OTUD5: variants seen among roughly 807,000 people sequenced by gnomAD.
OTUD5 encodes OTU deubiquitinase 5, also known as OTU domain-containing protein 5.
Under a neutral mutation model 36.3 loss-of-function variants are expected in OTUD5, and 2 were observed. The observed-to-expected ratio is 0.06, with a 90% CI of 0.02 to 0.17. The LOEUF (loss-of-function observed/expected upper bound fraction) is 0.17, where lower values mean the gene tolerates loss of function less well. OTUD5 is among the 10% of genes least tolerant of loss of function. The probability of loss-of-function intolerance (pLI) is 1.00; values close to 1 mark genes in which losing one functional copy is unlikely to be tolerated. For missense variants in OTUD5, 233 were observed against 512.3 expected, an observed-to-expected ratio of 0.45 and a Z score of 5.26; for synonymous variants, 234 against 214.9, an observed-to-expected ratio of 1.09 and a Z score of -0.78.
At chrX:48,950,335 T>C (rs1280038331) in intron 1 of OTUD5, among the ~76,000 whole-genome samples, 1 of 109,362 alleles carries the variant, frequency 9.1e-6, no homozygotes, top group African/African-American at 3.3e-5. Context: ...GAGAAGGCGA[T>C]GGTGAAGATG....
chrX:48,929,361 C>A (rs1267073862), intron 5 of OTUD5, among the ~76,000 whole-genome samples: 1 of 109,001 alleles, frequency 9.2e-6, no homozygotes, highest in East Asian at 2.8e-4. Flanking sequence ...GTACTCCAGC[C>A]TGGGTGACAG....
In OTUD5 at chrX:48,944,231, T is replaced by C; in HGVS notation, c.647A>G (p.Lys216Arg). 8.3e-7 allele frequency: 1 copy of C among 1,206,564 alleles called. No homozygotes were observed. The highest frequency in any genetic ancestry group is 1.1e-6 in the Non-Finnish European group (1 of 892,058). The change falls in exon 2 of 9, where the codon AAG (lysine) becomes AGG (arginine). Residue 216 changes from lysine (K) to arginine (R), a missense_variant. By Grantham distance (26) the Lys-to-Arg change is conservative (BLOSUM62 2). This residue lies in a region of OTUD5 where 155 missense variants were observed against 217.2 expected (regional missense o/e 0.71). Transcript: ENST00000376488. ...ACAGGCGCCATCCTCCTTCATCTGC[T>C]TGATGATGAAGCCCTTCTTGTCTCG... is the stretch of plus-strand genomic sequence containing the variant. ...ALRDKKGFII[K>R]QMKEDGACLF...
chrX:48,957,003 C>T lies in OTUD5; in HGVS notation c.568G>A (p.Ala190Thr). The change falls in exon 1 of 9, where the codon GCT (alanine) becomes ACT (threonine). Residue 190 changes from alanine to threonine, a missense_variant. Coordinates refer to ENST00000376488, the MANE Select transcript of OTUD5 (RefSeq NM_001136157.2). ...EYEAAAARIE[A>T]MDPATVEQQE... Reference sequence around the variant, plus strand: ...TGCTCGACAGTGGCAGGGTCCATAGCCTCGATGCGTGCTGCAGCCGCCTCA... The same window carrying T: ...TGCTCGACAGTGGCAGGGTCCATAGTCTCGATGCGTGCTGCAGCCGCCTCA... 8.4e-7 allele frequency: 1 copy of T among 1,195,877 alleles called. No homozygotes were observed. Among genetic ancestry groups the T allele is most frequent in the Non-Finnish European group, 1.1e-6 (1 of 888,256 alleles).
intron 6 of OTUD5, among the ~76,000 whole-genome samples, chrX:48,924,369 C>T (rs1290204631): frequency 8.9e-6 from 1 of 111,858 alleles, no homozygotes; most frequent in Non-Finnish European, 1.9e-5. Flanking sequence ...TGGCCTACTG[C>T]AGTAGCCTCC....
chrX:48,931,694 G>A (rs965128694), intron 5 of OTUD5, among the ~76,000 whole-genome samples: 21 of 106,955 alleles, frequency 2.0e-4, no homozygotes, highest in African/African-American at 5.8e-4. Context: ...CAGAAAAATC[G>A]CTTGAACCCA....
intron 1 of OTUD5, among the ~76,000 whole-genome samples, chrX:48,954,520 G>A (rs959958320): frequency 9.0e-6 from 1 of 111,543 alleles, no homozygotes; most frequent in East Asian, 2.8e-4. Flanking sequence ...AGAGAGAGAA[G>A]AAATAACTGG....
intron 2 of OTUD5, among the ~76,000 whole-genome samples, chrX:48,938,465 G>A (rs1673832916): frequency 9.0e-6 from 1 of 111,305 alleles, no homozygotes; most frequent in Admixed American, 9.5e-5. Context: ...GGCCGACGCA[G>A]GTGGATCACC....
At chrX:48,952,773 T>C (rs1379213527) in intron 1 of OTUD5, among the ~76,000 whole-genome samples, 4 of 112,427 alleles carry the variant, frequency 3.6e-5, no homozygotes, top group Non-Finnish European at 7.5e-5. Context: ...CAAATCCACG[T>C]TGCCTGGGCA....
chrX:48,948,691 TTTGGGGAGAAAATG>T (rs2064077047), intron 1 of OTUD5, among the ~76,000 whole-genome samples: 1 of 110,048 alleles, frequency 9.1e-6, no homozygotes, highest in Admixed American at 9.7e-5. Flanking sequence ...TCTTTCTCCT[TTTGGGGAGAAAATG>T]TTGCTCAGGA....
chrX:48,925,916 A>T lies in OTUD5; in HGVS notation c.1194T>A (p.Ala398=). Residue 398 remains alanine (A), a synonymous_variant, in exon 6 of 9, where the codon GCT becomes GCA. Transcript: ENST00000376488. ...ATNEAIEEQV[A]RESYLQWLRD... is the part of the protein sequence containing the mutation. The stretch of plus-strand genomic sequence containing the variant: ...GCAACCACTGCAGGTAGGATTCCCG[A>T]GCCACCTGCTCCTCGATGGCTTCAT... The T allele has an allele frequency of 8.3e-7, 1 of 1,211,063 alleles. No homozygotes were observed. Among genetic ancestry groups the T allele is most frequent in the East Asian group, 3.0e-5 (1 of 33,822 alleles).
intron 5 of OTUD5, among the ~76,000 whole-genome samples, chrX:48,933,011 T>C (rs2063779989): frequency 9.1e-6 from 1 of 109,658 alleles, no homozygotes; most frequent in Admixed American, 9.8e-5. Flanking sequence ...AAAAAGAAAA[T>C]GAGCCATTAA....
chrX:48,952,284 T>C (rs782613603), intron 1 of OTUD5, among the ~76,000 whole-genome samples: 1 of 111,658 alleles, frequency 9.0e-6, no homozygotes, highest in Non-Finnish European at 1.9e-5. Flanking sequence ...AGTAGATTAG[T>C]GGTTGCCAGA....
At chrX:48,950,496 T>C (rs1171635055) in intron 1 of OTUD5, among the ~76,000 whole-genome samples, 1 of 109,505 alleles carries the variant, frequency 9.1e-6, no homozygotes, top group African/African-American at 3.3e-5. Flanking sequence ...GATTGTGGAC[T>C]TCTGGCCTCC....
At chrX:48,941,857 A>G (rs2063929894) in intron 2 of OTUD5, among the ~76,000 whole-genome samples, 1 of 111,715 alleles carries the variant, frequency 9.0e-6, no homozygotes, top group Admixed American at 9.5e-5. Context: ...CACATGTATT[A>G]TGCACTCTGC....
At chrX:48,927,404 C>A (rs1271408229) in intron 5 of OTUD5, among the ~76,000 whole-genome samples, 2 of 111,762 alleles carry the variant, frequency 1.8e-5, no homozygotes, top group Non-Finnish European at 3.8e-5. Flanking sequence ...TCCCCCCAAC[C>A]CCCTTCGAAC....
chrX:48,932,778 T>C (rs1415383892), intron 5 of OTUD5, among the ~76,000 whole-genome samples: 1 of 109,689 alleles, frequency 9.1e-6, no homozygotes, highest in Non-Finnish European at 1.9e-5. Flanking sequence ...ACCTTGTCTC[T>C]ACAAAAAAAA....
rs782110834 is a variant in OTUD5 at position 48,923,980 on chromosome X, G to A, written c.1336C>T (p.Arg446Trp). Reference protein sequence around the residue: ...ASSGLEEWTSRSPRQRSSASS... With the variant: ...ASSGLEEWTSWSPRQRSSASS... Reference sequence around the variant, plus strand: ...GCTGAACTCCGCTGCCGCGGGGACCGGCTAGTCCACTCCTCCAGGCCACTG... The same window carrying A: ...GCTGAACTCCGCTGCCGCGGGGACCAGCTAGTCCACTCCTCCAGGCCACTG... Residue 446 changes from arginine (R) to tryptophan (W), a missense_variant, in exon 7 of 9, where the codon CGG becomes TGG. Transcript: ENST00000376488. 5.8e-6 allele frequency: 7 copies of A among 1,209,238 alleles called. No homozygotes were observed. In the South Asian group the frequency reaches 7.1e-5, roughly 12 times the overall value.
chrX:48,952,742 G>A (rs180871490), intron 1 of OTUD5, among the ~76,000 whole-genome samples: 1 of 112,451 alleles, frequency 8.9e-6, no homozygotes, highest in East Asian at 2.8e-4. Flanking sequence ...CCACAGAAAA[G>A]CTTACTGCAG....
At position 48,922,927 on chromosome X, in the gene OTUD5, T is replaced by G; in HGVS notation, c.*247A>C. On this transcript the variant is annotated 3_prime_UTR_variant, in exon 9 of 9. Coordinates refer to ENST00000376488, the MANE Select transcript of OTUD5 (RefSeq NM_001136157.2). ...CCGAGTCCCCTGTGGAATGCAGGGA[T>G]GGTTCTGTGCGGGATGGGGTGGGGG... 1 of 1,010,370 alleles carries G rather than the reference T, an allele frequency of 9.9e-7. No individual in the cohort carries two copies. Among genetic ancestry groups the G allele is most frequent in the East Asian group, 4.2e-5 (1 of 24,059 alleles). 83.3% of individuals were successfully genotyped at this position (1,010,370 alleles called of 1,213,427 possible).
Sources: allele counts gnomAD v4.1 joint callset (sites outside exome capture counted in the v4.1 genomes callset), GRCh38; gene constraint gnomAD v4.1.1; regional missense constraint gnomAD v4.1.1; transcripts MANE v1.5; gene names NCBI Gene and HGNC (gene_info 2026-07-23, HGNC 2026-07-21).